The following PTPRD variants were observed in gnomAD, a reference collection of about 807,000 sequenced individuals.
PTPRD encodes receptor-type tyrosine-protein phosphatase delta.
PTPRD carries 34 observed loss-of-function variants against 214.5 expected under a neutral mutation model. That is an observed-to-expected ratio of 0.16 (90% CI 0.12 to 0.21). The LOEUF (loss-of-function observed/expected upper bound fraction) is 0.21, where lower values mean the gene tolerates loss of function less well. PTPRD is among the 10% of genes least tolerant of loss of function. PTPRD has a pLI of 1.00. For missense variants in PTPRD, 2,545 were observed against 2,398.7 expected (o/e 1.06, Z -1.27); for synonymous variants, 1,128 against 845.7 (o/e 1.33, Z -5.79).
At chr9:8,695,992 CTATA>C (rs1200329596) in intron 12 of PTPRD, among the ~76,000 whole-genome samples, 1 of 152,284 alleles carries the variant, frequency 6.6e-6, no homozygotes, top group East Asian at 1.9e-4. Context: ...ACTCCTTACC[CTATA>C]TAGGATTTCT....
At chr9:8,759,982 TC>T (rs942318047) in intron 11 of PTPRD, among the ~76,000 whole-genome samples, 22 of 152,212 alleles carry the variant, frequency 1.4e-4, no homozygotes, top group Admixed American at 1.4e-3. Flanking sequence ...GTGTCCCTTC[TC>T]CCTACTAATC....
At chr9:9,063,163 C>A (rs1195191587) in intron 10 of PTPRD, among the ~76,000 whole-genome samples, 1 of 152,078 alleles carries the variant, frequency 6.6e-6, no homozygotes, top group Non-Finnish European at 1.5e-5. Flanking sequence ...TTCAGACTAG[C>A]ATTGGCAAAT....
chr9:9,977,602 C>T (rs2154058911), intron 4 of PTPRD, among the ~76,000 whole-genome samples: 1 of 152,232 alleles, frequency 6.6e-6, no homozygotes, highest in South Asian at 2.1e-4. Flanking sequence ...AACAACTTGG[C>T]TTAAAAATGA....
At chr9:9,643,054 C>A (rs2096019660) in intron 7 of PTPRD, among the ~76,000 whole-genome samples, 1 of 152,128 alleles carries the variant, frequency 6.6e-6, no homozygotes, top group African/African-American at 2.4e-5. Flanking sequence ...TTTCCATGAG[C>A]ACATACATGT....
chr9:9,247,522 A>G (rs1424544078), intron 9 of PTPRD, among the ~76,000 whole-genome samples: 1 of 152,040 alleles, frequency 6.6e-6, no homozygotes, highest in Non-Finnish European at 1.5e-5. Context: ...GGGATGAGAA[A>G]AGGTATCACA....
chr9:8,422,887 T>C (rs1407918991), intron 35 of PTPRD, among the ~76,000 whole-genome samples: 1 of 152,188 alleles, frequency 6.6e-6, no homozygotes, highest in Non-Finnish European at 1.5e-5. Flanking sequence ...CCTTCCCTTA[T>C]GCAGCACCCT....
intron 5 of PTPRD, among the ~76,000 whole-genome samples, chr9:9,930,609 A>G (rs966691651): frequency 5.3e-5 from 8 of 152,168 alleles, no homozygotes; most frequent in African/African-American, 1.9e-4. Context: ...TATATAATGT[A>G]ATTTTTATTA....
chr9:8,347,515 C>A (rs1056646268), intron 39 of PTPRD, among the ~76,000 whole-genome samples: 1 of 152,074 alleles, frequency 6.6e-6, no homozygotes, highest in Non-Finnish European at 1.5e-5. Flanking sequence ...AAATCTCAAG[C>A]GGCGCTGTGA....
chr9:10,159,325 T>C (rs1192142071), intron 3 of PTPRD, among the ~76,000 whole-genome samples: 5 of 152,010 alleles, frequency 3.3e-5, no homozygotes, highest in Admixed American at 6.6e-5. Context: ...CAGGAAAATA[T>C]TGCAAATATA....
At chr9:8,718,990 T>A (rs1035842128) in intron 12 of PTPRD, among the ~76,000 whole-genome samples, 2 of 152,332 alleles carry the variant, frequency 1.3e-5, no homozygotes, top group African/African-American at 2.4e-5. Context: ...TGTGATCAAA[T>A]TCACCATGAC....
chr9:9,950,277 T>C (rs1285747280), intron 4 of PTPRD, among the ~76,000 whole-genome samples: 1 of 152,172 alleles, frequency 6.6e-6, no homozygotes, highest in African/African-American at 2.4e-5. Flanking sequence ...TGAATTCTTG[T>C]TTAGACAGCA....
At chr9:9,273,536 C>T (rs760994728) in intron 9 of PTPRD, among the ~76,000 whole-genome samples, 7 of 151,236 alleles carry the variant, frequency 4.6e-5, no homozygotes, top group Non-Finnish European at 1.0e-4. Context: ...ATTTACTATT[C>T]TAATGGAATT....
intron 8 of PTPRD, among the ~76,000 whole-genome samples, chr9:9,501,179 G>A (rs2096402795): frequency 6.6e-6 from 1 of 151,736 alleles, no homozygotes; most frequent in Non-Finnish European, 1.5e-5. Context: ...AAATGTGAAT[G>A]GATTAAATAT....
chr9:8,400,778 C>A (rs749516953), intron 36 of PTPRD, among the ~76,000 whole-genome samples: 4 of 152,112 alleles, frequency 2.6e-5, no homozygotes, highest in Non-Finnish European at 5.9e-5. Flanking sequence ...GTTTTCTCAT[C>A]TATAAATGTG....
chr9:9,411,504 T>C (rs1391443512), intron 8 of PTPRD, among the ~76,000 whole-genome samples: 1 of 152,188 alleles, frequency 6.6e-6, no homozygotes, highest in Non-Finnish European at 1.5e-5. Context: ...TACTCTAAAA[T>C]ATGGTTGGAT....
chr9:10,237,772 G>T (rs1332410132), intron 3 of PTPRD, among the ~76,000 whole-genome samples: 6 of 151,804 alleles, frequency 4.0e-5, no homozygotes, highest in Admixed American at 3.3e-4. Context: ...TGTCATTAAG[G>T]GGAACATGAT....
At chr9:9,505,687 T>C (rs548465882) in intron 8 of PTPRD, among the ~76,000 whole-genome samples, 43 of 151,618 alleles carry the variant, frequency 2.8e-4, no homozygotes, top group Admixed American at 1.4e-3. Flanking sequence ...AAAGATGAAA[T>C]AATTATACCA....
intron 4 of PTPRD, among the ~76,000 whole-genome samples, chr9:9,940,533 C>T (rs77970309): frequency 5.3e-5 from 8 of 152,168 alleles, no homozygotes; most frequent in African/African-American, 7.2e-5. Context: ...AATTCTAGAC[C>T]GATAACTTTT....
At chr9:8,556,422 T>C (rs952577292) in intron 14 of PTPRD, among the ~76,000 whole-genome samples, 4 of 152,184 alleles carry the variant, frequency 2.6e-5, no homozygotes, top group Non-Finnish European at 5.9e-5. Flanking sequence ...CTGTGGCCAA[T>C]CATGGACTTT....
Sources: gnomAD v4.1 joint callset for allele counts (sites outside exome capture counted in the v4.1 genomes callset) on GRCh38, gnomAD v4.1.1 for gene constraint, MANE v1.5 for transcripts, NCBI Gene and HGNC (gene_info 2026-07-23, HGNC 2026-07-21) for gene names.